Variants in ABCD2 observed in about 807,000 individuals in gnomAD.
ABCD2 encodes the protein ATP-binding cassette sub-family D member 2.
In ABCD2, 36 loss-of-function variants were observed where a neutral mutation model predicts 70.9. The observed-to-expected ratio is 0.51, with a 90% CI of 0.39 to 0.67. The LOEUF is 0.67. ABCD2 is among the 30% of genes least tolerant of loss of function. The pLI is 0.00. For synonymous variants in ABCD2, 304 were observed against 306.9 expected, an observed-to-expected ratio of 0.99 and a Z score of 0.10; for missense variants, 729 against 890.2, an observed-to-expected ratio of 0.82 and a Z score of 2.30.
the ABCD2 span, among the ~76,000 whole-genome samples, chr12:39,533,966 G>A: frequency 1.3e-5 from 2 of 152,210 alleles, no homozygotes; most frequent in Non-Finnish European, 1.5e-5. Context: ...TAAAAAATTG[G>A]TGCATGTGAA....
In ABCD2 at chr12:39,554,107, C is replaced by T; in HGVS notation, c.2028G>A (p.Gln676=). The T allele has an allele frequency of 6.2e-7, 1 of 1,613,284 alleles. No homozygotes were observed. Among genetic ancestry groups the T allele is most frequent in the Non-Finnish European group, 8.5e-7 (1 of 1,179,646 alleles). The change falls in exon 10 of 10, where the codon CAG becomes CAA. Residue 676 remains glutamine (Q), a synonymous_variant. Transcript: ENST00000308666. The part of the protein sequence containing the change: ...SLWKYHTHLL[Q]FDGEGGWRFE... ...AGCGCCAACCTCCTTCACCATCAAA[C>T]TGTAATAAATGTGTGTGGTATTTCC...
chr12:39,604,404 A>T (rs1941942682), intron 4 of ABCD2, among the ~76,000 whole-genome samples: 1 of 152,074 alleles, frequency 6.6e-6, no homozygotes, highest in Non-Finnish European at 1.5e-5. Context: ...CAATTTTAAA[A>T]AATATGTAAC....
chr12:39,534,785 AG>A, the ABCD2 span, among the ~76,000 whole-genome samples: 4 of 150,216 alleles, frequency 2.7e-5, no homozygotes, highest in Admixed American at 6.7e-5. Context: ...AAAGAAAGAA[AG>A]AAAGAAAGAA....
downstream of ABCD2, among the ~76,000 whole-genome samples, chr12:39,549,217 T>C (rs1039592390): frequency 1.3e-5 from 2 of 151,974 alleles, no homozygotes; most frequent in African/African-American, 2.4e-5. Flanking sequence ...ATCATGAAGA[T>C]TGTGAAGCCC....
the ABCD2 span, among the ~76,000 whole-genome samples, chr12:39,534,874 AGG>A: frequency 1.7e-4 from 24 of 143,584 alleles, no homozygotes; most frequent in African/African-American, 6.2e-4. Flanking sequence ...AAGAAAAGGA[AGG>A]AAGGAAGGAA....
chr12:39,613,599 C>T (rs577819340), intron 2 of ABCD2, among the ~76,000 whole-genome samples: 1 of 152,236 alleles, frequency 6.6e-6, no homozygotes, highest in African/African-American at 2.4e-5. Context: ...CTCAAACTTA[C>T]CCATCTTCCT....
chr12:39,602,591 G>C (rs1395168261), intron 5 of ABCD2, among the ~76,000 whole-genome samples: 1 of 152,040 alleles, frequency 6.6e-6, no homozygotes, highest in Non-Finnish European at 1.5e-5. Flanking sequence ...ATAATTTTCT[G>C]TCTGAGTTAG....
At chr12:39,555,430 C>A (rs1243144850) in intron 9 of ABCD2, among the ~76,000 whole-genome samples, 1 of 152,100 alleles carries the variant, frequency 6.6e-6, no homozygotes, top group African/African-American at 2.4e-5. Flanking sequence ...CACAAAAATA[C>A]CTCTACCTCT....
chr12:39,611,322 G>A (rs1427594771), intron 2 of ABCD2, among the ~76,000 whole-genome samples: 4 of 152,036 alleles, frequency 2.6e-5, no homozygotes, highest in Admixed American at 6.5e-5. Flanking sequence ...GAAACTATGG[G>A]GGGAGAGGGT....
At chr12:39,575,782 C>T (rs945540804) in intron 8 of ABCD2, among the ~76,000 whole-genome samples, 2 of 152,242 alleles carry the variant, frequency 1.3e-5, no homozygotes, top group Non-Finnish European at 1.5e-5. Context: ...TTTTCAACTA[C>T]TTGCTCTTCT....
intron 9 of ABCD2, among the ~76,000 whole-genome samples, chr12:39,557,909 G>C (rs1941194032): frequency 6.6e-6 from 1 of 152,202 alleles, no homozygotes; most frequent in South Asian, 2.1e-4. Context: ...ACCATTGCTA[G>C]GGTAGTGCAG....
chr12:39,569,864 A>G (rs995262002), intron 9 of ABCD2, among the ~76,000 whole-genome samples: 3 of 152,218 alleles, frequency 2.0e-5, no homozygotes, highest in African/African-American at 4.8e-5. Context: ...AGAAAACATT[A>G]GATTTATAAA....
At chr12:39,555,938 C>T (rs532566603) in intron 9 of ABCD2, among the ~76,000 whole-genome samples, 1 of 152,178 alleles carries the variant, frequency 6.6e-6, no homozygotes, top group African/African-American at 2.4e-5. Context: ...CCTGACACTG[C>T]ACCATCCACC....
chr12:39,534,764 A>AAG, the ABCD2 span, among the ~76,000 whole-genome samples: 676 of 14,362 alleles, frequency 0.047, 9 homozygotes, highest in Middle Eastern at 0.11. Flanking sequence ...AAGAAAGAGA[A>AAG]AGAAAGAAAG....
chr12:39,568,689 G>A (rs1313542309), intron 9 of ABCD2, among the ~76,000 whole-genome samples: 2 of 152,308 alleles, frequency 1.3e-5, no homozygotes, highest in East Asian at 3.9e-4. Flanking sequence ...TTCCTTTGGA[G>A]GAGGAGAGGT....
chr12:39,542,443 CAG>C, the ABCD2 span, among the ~76,000 whole-genome samples: 2 of 142,910 alleles, frequency 1.4e-5, no homozygotes, highest in Non-Finnish European at 3.0e-5. Context: ...GCCTGGGCAA[CAG>C]AGCGAGACTC....
At chr12:39,547,989 A>G (rs924186679), downstream of ABCD2, among the ~76,000 whole-genome samples, 2 of 151,946 alleles carry the variant, frequency 1.3e-5, no homozygotes, top group African/African-American at 2.4e-5. Flanking sequence ...TTGACCTACG[A>G]TTTTTCAACT....
At chr12:39,573,526 T>C (rs1025832900) in intron 9 of ABCD2, among the ~76,000 whole-genome samples, 190 bp downstream of exon 9, 18 of 152,252 alleles carry the variant, frequency 1.2e-4, no homozygotes, top group African/African-American at 4.3e-4. Context: ...TGGAAACTGA[T>C]GATAATTCAA....
intron 9 of ABCD2, among the ~76,000 whole-genome samples, chr12:39,557,718 C>T (rs111786037): frequency 6.6e-6 from 1 of 152,068 alleles, no homozygotes; most frequent in African/African-American, 2.4e-5. Flanking sequence ...TAAAATGGGC[C>T]AAGGTACAGC....
Sources: allele counts gnomAD v4.1 joint callset (sites outside exome capture counted in the v4.1 genomes callset), GRCh38; gene constraint gnomAD v4.1.1; transcripts MANE v1.5; gene names NCBI Gene and HGNC (gene_info 2026-07-23, HGNC 2026-07-21).